The following NRXN3 variants were observed in gnomAD, a reference collection of about 807,000 sequenced individuals.
The protein encoded by NRXN3 is neurexin 3, also known as neurexin III.
In NRXN3, 32 loss-of-function variants were observed where a neutral mutation model predicts 137.6. The observed-to-expected ratio is 0.23, with a 90% CI of 0.18 to 0.31. The LOEUF (loss-of-function observed/expected upper bound fraction) is 0.31, where lower values mean the gene tolerates loss of function less well. Ranked by LOEUF, NRXN3 falls within the 10% of genes least tolerant of loss-of-function variation. NRXN3 has a pLI of 1.00. For missense variants in NRXN3, 1,574 were observed against 2,062.5 expected, an observed-to-expected ratio of 0.76 and a Z score of 4.59; for synonymous variants, 798 against 784.5, an observed-to-expected ratio of 1.02 and a Z score of -0.29.
At chr14:79,160,016 A>G (rs1486379127) in intron 15 of NRXN3, among the ~76,000 whole-genome samples, 1 of 151,902 alleles carries the variant, frequency 6.6e-6, no homozygotes, top group Non-Finnish European at 1.5e-5. Context: ...GGCTTGCAGG[A>G]AATTCCCAAA....
At chr14:78,410,873 G>A (rs894973982) in intron 4 of NRXN3, among the ~76,000 whole-genome samples, 4 of 152,208 alleles carry the variant, frequency 2.6e-5, no homozygotes, top group African/African-American at 9.6e-5. Flanking sequence ...TAGACAGGGA[G>A]TCAGGGCCTC....
At chr14:78,218,954 G>T (rs2063557972) in intron 1 of NRXN3, among the ~76,000 whole-genome samples, 1 of 152,166 alleles carries the variant, frequency 6.6e-6, no homozygotes, top group Non-Finnish European at 1.5e-5. Flanking sequence ...TCTCCTTGGT[G>T]GGCAGATGGC....
chr14:79,016,518 A>G (rs920451576), intron 15 of NRXN3, among the ~76,000 whole-genome samples: 1 of 152,222 alleles, frequency 6.6e-6, no homozygotes, highest in Non-Finnish European at 1.5e-5. Flanking sequence ...TGCAAGGGAT[A>G]GCACGGTGGT....
chr14:79,275,884 T>C (rs779826504), intron 15 of NRXN3, among the ~76,000 whole-genome samples: 2 of 152,214 alleles, frequency 1.3e-5, no homozygotes, highest in Non-Finnish European at 2.9e-5. Context: ...TTTATTCAAG[T>C]GGAGCTAAGC....
At chr14:78,413,295 T>G (rs1189128640) in intron 4 of NRXN3, among the ~76,000 whole-genome samples, 1 of 152,192 alleles carries the variant, frequency 6.6e-6, no homozygotes, top group Non-Finnish European at 1.5e-5. Context: ...TTTGTTTGTT[T>G]GTTTTTTTGG....
At chr14:79,519,662 T>G (rs531477378) in intron 16 of NRXN3, among the ~76,000 whole-genome samples, 2 of 152,050 alleles carry the variant, frequency 1.3e-5, no homozygotes, top group South Asian at 2.1e-4. Context: ...ACCCAAGAAT[T>G]AAGAGAGAGT....
chr14:79,113,789 T>TA (rs1491418067), intron 15 of NRXN3, among the ~76,000 whole-genome samples: 1 of 151,154 alleles, frequency 6.6e-6, no homozygotes, highest in Non-Finnish European at 1.5e-5. Flanking sequence ...GTTCTGAAAC[T>TA]TTTTTTGTGC....
intron 16 of NRXN3, among the ~76,000 whole-genome samples, chr14:79,654,341 A>C (rs755814820): frequency 6.6e-6 from 1 of 151,970 alleles, no homozygotes; most frequent in Non-Finnish European, 1.5e-5. Context: ...AAAAAAAAAA[A>C]CTTAAAAAAA....
intron 19 of NRXN3, among the ~76,000 whole-genome samples, chr14:79,802,207 G>C (rs1258686516): frequency 6.6e-6 from 1 of 151,950 alleles, no homozygotes; most frequent in East Asian, 1.9e-4. Flanking sequence ...AAACTTTATT[G>C]CCAGGCTTTC....
At chr14:79,280,166 T>C in intron 15 of NRXN3, 1 of 1,510,790 alleles carries the variant, frequency 6.6e-7, no homozygotes. Context: ...GCATATTGCT[T>C]CCCTCTTCCC....
intron 15 of NRXN3, among the ~76,000 whole-genome samples, chr14:79,429,694 C>T (rs80069757): frequency 0.014 from 2,067 of 152,262 alleles, 26 homozygotes; most frequent in Middle Eastern, 0.051. Context: ...TGTACTTCTT[C>T]GCAAGGGCTT....
In NRXN3 at chr14:79,541,410, A is replaced by C. The variant is rs181000392; in HGVS notation, c.3444+74008A>C. On this transcript the variant is annotated intron_variant, in intron 16 of 20. Coordinates refer to ENST00000335750, the MANE Select transcript of NRXN3 (RefSeq NM_001330195.2). The stretch of plus-strand genomic sequence containing the variant: ...CAAGAGCGAAACTCATCTCAAAAAA[A>C]AAGATACTTGCCATTGGATTCAGAG... 2.3e-3 allele frequency among the ~76,000 whole-genome samples: 348 copies of C among 152,358 alleles called. 1 individual carries two copies. Among genetic ancestry groups the C allele is most frequent in the African/African-American group, 7.7e-3 (321 of 41,588 alleles).
intron 1 of NRXN3, among the ~76,000 whole-genome samples, chr14:78,235,515 C>A (rs2066161012): frequency 1.3e-5 from 2 of 151,342 alleles, no homozygotes; most frequent in Admixed American, 6.6e-5. Context: ...TCTACCATAA[C>A]AGATCAGTAT....
At chr14:78,871,134 C>T (rs1428874747) in intron 10 of NRXN3, among the ~76,000 whole-genome samples, 1 of 149,538 alleles carries the variant, frequency 6.7e-6, no homozygotes, top group Non-Finnish European at 1.5e-5. Context: ...CTGAGGAATA[C>T]TCCGTGCTGT....
At chr14:78,747,957 C>T (rs1343978215) in intron 8 of NRXN3, among the ~76,000 whole-genome samples, 1 of 152,158 alleles carries the variant, frequency 6.6e-6, no homozygotes, top group Non-Finnish European at 1.5e-5. Flanking sequence ...TTTTTTAAAG[C>T]ACTTTCATTT....
intron 8 of NRXN3, among the ~76,000 whole-genome samples, chr14:78,784,370 G>A (rs2098781746): frequency 1.3e-5 from 2 of 152,222 alleles, no homozygotes; most frequent in Admixed American, 1.3e-4. Context: ...ATGCTGGGCT[G>A]TAATGGACAA....
chr14:79,150,708 TA>T (rs3035607), intron 15 of NRXN3, among the ~76,000 whole-genome samples: 126,529 of 146,676 alleles, frequency 0.86, 54,921 homozygotes, highest in Middle Eastern at 0.96. Flanking sequence ...ATTAGATAAA[TA>T]AAAAAAAAAA....
In NRXN3 at chr14:79,058,145, GA is replaced by G. The variant is rs887189043; in HGVS notation, c.3262+70013del. On this transcript the variant is annotated intron_variant, in intron 15 of 20. Transcript: ENST00000335750. ...GGGGTCAGTAGAGAGTTGTGGGCTG[GA>G]AAAAAAAAGTTTGGAGGAGCTGCTG... Among the ~76,000 whole-genome samples the G allele has an allele frequency of 6.8e-4, 103 of 151,122 alleles. 1 individual carries two copies. The East Asian group carries it at 0.012, about 18-fold the overall frequency.
At chr14:79,305,211 C>G (rs1381111520) in intron 15 of NRXN3, among the ~76,000 whole-genome samples, 1 of 152,026 alleles carries the variant, frequency 6.6e-6, no homozygotes, top group Non-Finnish European at 1.5e-5. Flanking sequence ...TATTTATGAG[C>G]TAATATGTGT....
Sources: allele counts gnomAD v4.1 joint callset (sites outside exome capture counted in the v4.1 genomes callset), GRCh38; gene constraint gnomAD v4.1.1; transcripts MANE v1.5; gene names NCBI Gene and HGNC (gene_info 2026-07-23, HGNC 2026-07-21).